The following INPP5B variants were observed in gnomAD, a reference collection of about 807,000 sequenced individuals.
The protein encoded by INPP5B is type II inositol 1,4,5-trisphosphate 5-phosphatase.
A neutral mutation model predicts 118.5 loss-of-function variants in INPP5B; 90 were observed. The observed-to-expected ratio is 0.76, with a 90% CI of 0.64 to 0.90. The LOEUF (loss-of-function observed/expected upper bound fraction) is 0.90. Ranked by LOEUF, INPP5B falls within the 40% of genes least tolerant of loss-of-function variation. The probability of loss-of-function intolerance (pLI) is 0.00; values close to 1 mark genes in which losing one functional copy is unlikely to be tolerated. For missense variants in INPP5B, 984 were observed against 1,125.6 expected, an observed-to-expected ratio of 0.87 and a Z score of 1.80; for synonymous variants, 385 against 418.9, an observed-to-expected ratio of 0.92 and a Z score of 0.99.
intron 7 of INPP5B, among the ~76,000 whole-genome samples, chr1:37,896,156 T>C (rs1411967888): frequency 6.7e-6 from 1 of 148,614 alleles, no homozygotes; most frequent in Non-Finnish European, 1.5e-5. Flanking sequence ...GGAGCACCTC[T>C]GCCCTGCCGC....
Position 37,932,017 on chromosome 1 carries a change from C to T in INPP5B, c.428G>A (p.Trp143Ter), listed in dbSNP as rs1338419976. Residue 143 changes from tryptophan (W) to a stop codon, truncating the protein, a stop_gained, in exon 7 of 24, where the codon TGG (tryptophan) becomes TAG (stop). Transcript: ENST00000373024. LOFTEE classifies it high-confidence loss of function. The part of the protein sequence containing the change: ...DSATRDPEFL[W>*]LSRYRCAELE... ...CTCTGCGCACCTATACCGAGACAGC[C>T]ACAGGAATTCAGGATCCCGGGTCGC... 3 of 1,605,030 alleles carry T rather than the reference C, an allele frequency of 1.9e-6. No individual in the cohort carries two copies. The highest frequency in any genetic ancestry group is 3.4e-5 in the Admixed American group (2 of 59,078).
At chr1:37,917,057 G>T (rs535298054) in intron 7 of INPP5B, among the ~76,000 whole-genome samples, 10 of 150,428 alleles carry the variant, frequency 6.6e-5, no homozygotes, top group Admixed American at 6.0e-4. Flanking sequence ...TTGGGAGGCC[G>T]AGGCAAGCAG....
At chr1:37,900,104 G>T (rs1245949167) in intron 7 of INPP5B, among the ~76,000 whole-genome samples, 1 of 132,522 alleles carries the variant, frequency 7.5e-6, no homozygotes, top group Non-Finnish European at 1.6e-5. Context: ...TTGAGACAGC[G>T]TCTCACTCAC....
chr1:37,874,456 T>C (rs376063976), intron 17 of INPP5B, among the ~76,000 whole-genome samples: 33 of 152,260 alleles, frequency 2.2e-4, no homozygotes, highest in African/African-American at 7.2e-4. Context: ...CTTCTAAACA[T>C]GAAGATCAAG....
chr1:37,879,832 C>T (rs1643084767), intron 15 of INPP5B, among the ~76,000 whole-genome samples: 1 of 152,144 alleles, frequency 6.6e-6, no homozygotes, highest in Non-Finnish European at 1.5e-5. Flanking sequence ...GGAATCATCT[C>T]ATCCTAGGCA....
chr1:37,868,729 C>T (rs947123972), intron 19 of INPP5B, 115 bp from the exon 20 acceptor site: 4 of 697,600 alleles, frequency 5.7e-6, no homozygotes, highest in African/African-American at 3.5e-5. Context: ...CCCCTAACCA[C>T]GCATTCCACA....
chr1:37,916,641 C>T (rs1483805507), intron 7 of INPP5B, among the ~76,000 whole-genome samples: 1 of 152,090 alleles, frequency 6.6e-6, no homozygotes, highest in Non-Finnish European at 1.5e-5. Context: ...GTCTCGAACT[C>T]CCGACCTCAG....
chr1:37,943,533 G>T, intron 5 of INPP5B, 107 bp downstream of exon 5: 1 of 1,186,928 alleles, frequency 8.4e-7, no homozygotes, highest in Non-Finnish European at 1.2e-6. Flanking sequence ...GGTCTTACTT[G>T]CTGCAATAAG....
At chr1:37,875,460 G>C in intron 17 of INPP5B, 146 bp downstream of exon 17, 1 of 580,176 alleles carries the variant, frequency 1.7e-6, no homozygotes, top group Non-Finnish European at 3.1e-6. Flanking sequence ...AGTAGAGACA[G>C]GGTTTCACCG....
intron 18 of INPP5B, among the ~76,000 whole-genome samples, chr1:37,873,730 C>T (rs182638058): frequency 6.6e-6 from 1 of 152,362 alleles, no homozygotes; most frequent in Admixed American, 6.5e-5. Context: ...TTAACAGCAG[C>T]ACCTGCTATA....
chr1:37,864,537 G>C, intron 22 of INPP5B, 114 bp from the exon 23 acceptor site: 1 of 596,234 alleles, frequency 1.7e-6, no homozygotes, highest in Non-Finnish European at 3.0e-6. Context: ...ACTGTGCACA[G>C]AAAACTGGTT....
Position 37,905,046 on chromosome 1 carries a change from TAAAG to T in INPP5B, c.533-13596_533-13593del, listed in dbSNP as rs570348894. The stretch of plus-strand genomic sequence containing the variant: ...TTTGGCTTATTTGGTATATAAATCA[TAAAG>T]GAAGCATTGTCAAATATGAAATAGT... On this transcript the variant is annotated intron_variant, in intron 7 of 23. Coordinates refer to ENST00000373024, the MANE Select transcript of INPP5B (RefSeq NM_005540.3). 1.7e-3 allele frequency among the ~76,000 whole-genome samples: 261 copies of T among 152,318 alleles called. 1 individual carries two copies. The highest frequency in any genetic ancestry group is 2.6e-3 in the Non-Finnish European group (177 of 68,036).
intron 10 of INPP5B, among the ~76,000 whole-genome samples, 177 bp from the exon 11 acceptor site, chr1:37,887,642 T>C (rs1179703022): frequency 6.6e-6 from 1 of 152,184 alleles, no homozygotes; most frequent in East Asian, 1.9e-4. Context: ...GCAGGTGCTG[T>C]TGCAAACAAA....
chr1:37,931,871 C>T, intron 7 of INPP5B, 42 bp downstream of exon 7: 1 of 1,613,460 alleles, frequency 6.2e-7, no homozygotes, highest in Non-Finnish European at 8.5e-7. Context: ...TGTGGCCGGG[C>T]CTCCTCCAAT....
At chr1:37,945,458 G>A (rs111863503) in intron 3 of INPP5B, among the ~76,000 whole-genome samples, 3,754 of 152,220 alleles carry the variant, frequency 0.025, 148 homozygotes, top group African/African-American at 0.086. Flanking sequence ...AGATCATGTG[G>A]CTTGTTAGTA....
At chr1:37,925,700 T>C (rs906207859) in intron 7 of INPP5B, among the ~76,000 whole-genome samples, 1 of 152,330 alleles carries the variant, frequency 6.6e-6, no homozygotes, top group Admixed American at 6.5e-5. Flanking sequence ...TAACTGAGTG[T>C]TTGTGGGTCA....
intron 7 of INPP5B, among the ~76,000 whole-genome samples, chr1:37,896,013 A>C (rs1381235200): frequency 3.1e-5 from 4 of 127,626 alleles, no homozygotes; most frequent in Non-Finnish European, 6.6e-5. Context: ...CTGGCTGCCC[A>C]GTCTGGAAAG....
intron 19 of INPP5B, among the ~76,000 whole-genome samples, chr1:37,871,404 G>A (rs1363143024): frequency 6.6e-6 from 1 of 151,966 alleles, no homozygotes; most frequent in Non-Finnish European, 1.5e-5. Flanking sequence ...GTTGCAGTAA[G>A]CCACGATCGT....
rs554177532 is a variant in INPP5B, at chr1:37,939,653, T to C, written c.391+1035A>G. On this transcript the variant is annotated intron_variant, in intron 6 of 23. Coordinates refer to ENST00000373024, the MANE Select transcript of INPP5B (RefSeq NM_005540.3). ...AGAGACGGGGTTTCACCGTGTTAGC[T>C]AGGATGATCTCGATCTCCTGACCTG... Among the ~76,000 whole-genome samples the C allele has an allele frequency of 2.6e-3, 317 of 124,082 alleles. 2 individuals are homozygous for C. The highest frequency in any genetic ancestry group is 6.8e-3 in the Admixed American group (81 of 11,934). The allele number at this position is 124,082 out of a possible 152,430, so 81.4% of individuals were successfully genotyped here. A position where few individuals can be genotyped will look rare whatever the true frequency, so the allele number is the denominator to read the frequency against.
Sources: allele counts gnomAD v4.1 joint callset (sites outside exome capture counted in the v4.1 genomes callset), GRCh38; gene constraint gnomAD v4.1.1; transcripts MANE v1.5; gene names NCBI Gene and HGNC (gene_info 2026-07-23, HGNC 2026-07-21).